Variants in SGCZ observed in about 807,000 individuals in gnomAD.
SGCZ encodes zeta-sarcoglycan.
SGCZ carries 40 observed loss-of-function variants against 41.3 expected under a neutral mutation model. The observed-to-expected ratio is 0.97, with a 90% CI of 0.75 to 1.26. The LOEUF (loss-of-function observed/expected upper bound fraction) is 1.26, where lower values mean the gene tolerates loss of function less well. Ranked by LOEUF, SGCZ falls within the 50% of genes most tolerant of loss-of-function variation. The probability of loss-of-function intolerance (pLI) is 0.00; values close to 1 mark genes in which losing one functional copy is unlikely to be tolerated. For synonymous variants in SGCZ, 206 were observed against 137.5 expected (o/e 1.50, Z -3.49); for missense variants, 552 against 369.8 (o/e 1.49, Z -4.04).
At chr8:14,531,980 C>G (rs569288614) in intron 2 of SGCZ, among the ~76,000 whole-genome samples, 22 of 152,114 alleles carry the variant, frequency 1.4e-4, no homozygotes, top group Non-Finnish European at 2.6e-4. Context: ...TAAATTAAAA[C>G]AGCTAATTTT....
intron 1 of SGCZ, among the ~76,000 whole-genome samples, chr8:14,963,476 T>C (rs1801033019): frequency 6.6e-6 from 1 of 152,088 alleles, no homozygotes; most frequent in African/African-American, 2.4e-5. Context: ...GTAGCGGGAA[T>C]TACAGGCGTG....
Position 14,858,081 on chromosome 8 carries a change from C to A in SGCZ, c.40-303155G>T, listed in dbSNP as rs567738655. 2.6e-5 allele frequency among the ~76,000 whole-genome samples: 4 copies of A among 152,116 alleles called. No individual in the cohort carries two copies. The East Asian group carries it at 7.7e-4, about 29-fold the overall frequency. ...AGTCTCTGTTATAAAAGAAGCTAAA[C>A]CTTATTAACTGATCTCCTTTATAAT... On this transcript the variant is annotated intron_variant, in intron 1 of 7. Coordinates refer to ENST00000382080, the MANE Select transcript of SGCZ (RefSeq NM_139167.4).
At chr8:14,753,787 A>G (rs1012639708) in intron 1 of SGCZ, among the ~76,000 whole-genome samples, 1 of 152,214 alleles carries the variant, frequency 6.6e-6, no homozygotes. Context: ...CATGACAGCC[A>G]AATCTGGAAT....
chr8:14,818,239 C>T (rs1227660006), intron 1 of SGCZ, among the ~76,000 whole-genome samples: 6 of 152,190 alleles, frequency 3.9e-5, no homozygotes, highest in African/African-American at 1.4e-4. Flanking sequence ...CACCAGCCAG[C>T]CTGTTAGGCC....
intron 1 of SGCZ, among the ~76,000 whole-genome samples, chr8:14,665,034 T>G (rs564327657): frequency 1.3e-5 from 2 of 152,304 alleles, no homozygotes; most frequent in South Asian, 4.1e-4. Flanking sequence ...AAAATTATAC[T>G]CTAAGTTTTA....
chr8:14,781,093 C>G (rs1800574085), intron 1 of SGCZ, among the ~76,000 whole-genome samples: 1 of 152,192 alleles, frequency 6.6e-6, no homozygotes, highest in Admixed American at 6.5e-5. Context: ...AGTCAGCATT[C>G]TGACTCAGTA....
intron 1 of SGCZ, among the ~76,000 whole-genome samples, chr8:15,228,279 C>G (rs1801838992): frequency 6.6e-6 from 1 of 152,136 alleles, no homozygotes; most frequent in African/African-American, 2.4e-5. Context: ...TAGCTTAATC[C>G]ACCTGTGTAT....
At chr8:14,127,089 G>A (rs1044368023) in intron 5 of SGCZ, among the ~76,000 whole-genome samples, 2 of 152,054 alleles carry the variant, frequency 1.3e-5, no homozygotes, top group Non-Finnish European at 2.9e-5. Context: ...CCTATGTAAG[G>A]TAAGGTTTAC....
chr8:14,290,044 G>A (rs990748483), intron 3 of SGCZ, among the ~76,000 whole-genome samples: 2 of 151,946 alleles, frequency 1.3e-5, no homozygotes, highest in Non-Finnish European at 2.9e-5. Context: ...GGAGGAAGCT[G>A]CCTCCATGAC....
chr8:14,375,075 G>C (rs1429690926), intron 2 of SGCZ, among the ~76,000 whole-genome samples: 1 of 152,056 alleles, frequency 6.6e-6, no homozygotes, highest in Non-Finnish European at 1.5e-5. Flanking sequence ...TGAGGGAATT[G>C]AGAGGCCAGA....
At chr8:14,228,004 A>G (rs1228324655) in intron 4 of SGCZ, among the ~76,000 whole-genome samples, 1 of 150,954 alleles carries the variant, frequency 6.6e-6, no homozygotes, top group Non-Finnish European at 1.5e-5. Context: ...CTTGGGTGCC[A>G]CCTCATTTAG....
chr8:14,407,974 G>C (rs1397876997), intron 2 of SGCZ, among the ~76,000 whole-genome samples: 1 of 152,046 alleles, frequency 6.6e-6, no homozygotes, highest in Non-Finnish European at 1.5e-5. Flanking sequence ...TATATCATAC[G>C]GAGAGATAGT....
intron 1 of SGCZ, among the ~76,000 whole-genome samples, chr8:14,713,079 T>G (rs1248955123): frequency 2.0e-5 from 3 of 152,162 alleles, no homozygotes; most frequent in Non-Finnish European, 4.4e-5. Context: ...ACAACAGTTC[T>G]AAGCCTATTA....
chr8:14,452,652 G>A (rs1379758121), intron 2 of SGCZ, among the ~76,000 whole-genome samples: 1 of 152,070 alleles, frequency 6.6e-6, no homozygotes, highest in Non-Finnish European at 1.5e-5. Flanking sequence ...TGTAACAAAT[G>A]TACAACTCTG....
At chr8:14,789,968 A>T (rs2130464696) in intron 1 of SGCZ, among the ~76,000 whole-genome samples, 1 of 152,310 alleles carries the variant, frequency 6.6e-6, no homozygotes, top group South Asian at 2.1e-4. Flanking sequence ...TGTTACATAA[A>T]TGTACATTGA....
At chr8:15,074,935 A>G (rs895082971) in intron 1 of SGCZ, among the ~76,000 whole-genome samples, 4 of 152,142 alleles carry the variant, frequency 2.6e-5, no homozygotes, top group Middle Eastern at 3.2e-3. Context: ...CCTTACTGCT[A>G]TATCTCAGTA....
intron 1 of SGCZ, among the ~76,000 whole-genome samples, chr8:14,799,972 T>G (rs1801266851): frequency 6.6e-6 from 1 of 152,344 alleles, no homozygotes; most frequent in South Asian, 2.1e-4. Flanking sequence ...AAGTATTTTC[T>G]TAAAACAATT....
chr8:15,076,976 C>A (rs568705011), intron 1 of SGCZ, among the ~76,000 whole-genome samples: 1 of 152,214 alleles, frequency 6.6e-6, no homozygotes, highest in South Asian at 2.1e-4. Context: ...TGACAAGTTG[C>A]GCTTTTCTAC....
intron 2 of SGCZ, among the ~76,000 whole-genome samples, chr8:14,409,149 C>G (rs1439992393): frequency 3.9e-5 from 6 of 152,028 alleles, no homozygotes; most frequent in Admixed American, 1.3e-4. Flanking sequence ...GATATGGTGG[C>G]AAAAATCAAT....
Sources: gnomAD v4.1 joint callset for allele counts (sites outside exome capture counted in the v4.1 genomes callset) on GRCh38, gnomAD v4.1.1 for gene constraint, MANE v1.5 for transcripts, NCBI Gene and HGNC (gene_info 2026-07-23, HGNC 2026-07-21) for gene names.